The following CCDC148 variants were observed in gnomAD, a reference collection of about 807,000 sequenced individuals.
The protein encoded by CCDC148 is coiled-coil domain containing 148, also known as coiled-coil domain-containing protein 148.
In CCDC148, 89 loss-of-function variants were observed where a neutral mutation model predicts 85.7. That is an observed-to-expected ratio of 1.04 (90% CI 0.87 to 1.24). The LOEUF (loss-of-function observed/expected upper bound fraction) is 1.24, where lower values mean the gene tolerates loss of function less well. Ranked by LOEUF, CCDC148 falls within the 50% of genes most tolerant of loss-of-function variation. The pLI is 0.00. For missense variants in CCDC148, 692 were observed against 671.7 expected (o/e 1.03, Z -0.33); for synonymous variants, 230 against 213.9 (o/e 1.08, Z -0.66).
chr2:158,454,134 G>A (rs1051790012), intron 1 of CCDC148, among the ~76,000 whole-genome samples: 13 of 152,184 alleles, frequency 8.5e-5, no homozygotes, highest in African/African-American at 3.1e-4. Context: ...AGGACAAAGA[G>A]CACAATCTTC....
intron 9 of CCDC148, among the ~76,000 whole-genome samples, chr2:158,265,501 G>A (rs989034743): frequency 1.3e-5 from 2 of 148,956 alleles, no homozygotes; most frequent in Admixed American, 6.8e-5. Context: ...ACTGTCATTA[G>A]TATATAAATT....
intron 1 of CCDC148, among the ~76,000 whole-genome samples, chr2:158,406,813 G>C (rs1465818039): frequency 6.6e-6 from 1 of 151,680 alleles, no homozygotes; most frequent in Non-Finnish European, 1.5e-5. Context: ...TGTAGAGACA[G>C]GGTTTTGCCA....
intron 9 of CCDC148, among the ~76,000 whole-genome samples, chr2:158,274,563 G>T (rs1012984058): frequency 6.6e-6 from 1 of 152,070 alleles, no homozygotes; most frequent in African/African-American, 2.4e-5. Context: ...TTACTGTTCA[G>T]GCATTAATTT....
At position 158,236,924 on chromosome 2, in the gene CCDC148, C is replaced by T. The variant is rs914096713; in HGVS notation, c.1251+13848G>A. On this transcript the variant is annotated intron_variant, in intron 10 of 13. Coordinates refer to ENST00000283233, the MANE Select transcript of CCDC148 (RefSeq NM_138803.4). ...GTGAAGATAGTCAATAAATAGATGT[C>T]GGGAGTGACAAGTGCTAAGGAAAAA... Among the ~76,000 whole-genome samples, 7 of 152,132 alleles carry T rather than the reference C, an allele frequency of 4.6e-5. No homozygotes were observed. In the East Asian group the frequency reaches 5.8e-4, roughly 13 times the overall value.
At chr2:158,290,082 G>A (rs1452423584) in intron 9 of CCDC148, among the ~76,000 whole-genome samples, 1 of 152,192 alleles carries the variant, frequency 6.6e-6, no homozygotes, top group East Asian at 1.9e-4. Context: ...TGAATAAAGG[G>A]TAGAGCATAG....
chr2:158,254,804 T>C (rs1223716216), intron 9 of CCDC148, among the ~76,000 whole-genome samples: 2 of 151,624 alleles, frequency 1.3e-5, no homozygotes, highest in African/African-American at 2.4e-5. Flanking sequence ...TATGATGTCC[T>C]GTGATTTAAA....
chr2:158,350,772 T>C (rs773619122), intron 2 of CCDC148, among the ~76,000 whole-genome samples: 2 of 152,194 alleles, frequency 1.3e-5, no homozygotes, highest in Non-Finnish European at 2.9e-5. Flanking sequence ...CATATTGTAA[T>C]TGTGCATATT....
chr2:158,339,670 C>T (rs537394880), intron 5 of CCDC148, among the ~76,000 whole-genome samples: 1 of 152,160 alleles, frequency 6.6e-6, no homozygotes, highest in African/African-American at 2.4e-5. Flanking sequence ...GGCTTCTCAG[C>T]ACAGGCCTCT....
At chr2:158,346,437 A>G (rs143252622) in intron 2 of CCDC148, among the ~76,000 whole-genome samples, 3 of 152,240 alleles carry the variant, frequency 2.0e-5, no homozygotes, top group East Asian at 3.9e-4. Flanking sequence ...CTTCTTCTGT[A>G]TGTCCCTCTG....
intron 9 of CCDC148, among the ~76,000 whole-genome samples, chr2:158,275,199 C>T (rs1276447697): frequency 1.3e-5 from 2 of 152,144 alleles, no homozygotes; most frequent in African/African-American, 4.8e-5. Flanking sequence ...AATTCTAGTC[C>T]CAAATCAAAT....
chr2:158,192,580 T>C (rs1161371170), intron 11 of CCDC148, among the ~76,000 whole-genome samples: 1 of 152,070 alleles, frequency 6.6e-6, no homozygotes, highest in African/African-American at 2.4e-5. Context: ...CAAGAGGTGG[T>C]TGTGTCTCTT....
intron 1 of CCDC148, among the ~76,000 whole-genome samples, chr2:158,370,134 G>C (rs1389730287): frequency 1.3e-5 from 2 of 151,784 alleles, no homozygotes; most frequent in Non-Finnish European, 2.9e-5. Flanking sequence ...GCCTGTCAGG[G>C]GGTTAGTGGA....
intron 9 of CCDC148, among the ~76,000 whole-genome samples, chr2:158,294,837 A>G (rs1319390354): frequency 6.6e-6 from 1 of 151,410 alleles, no homozygotes; most frequent in Non-Finnish European, 1.5e-5. Flanking sequence ...AAAAAAACAA[A>G]AAAAAACCTG....
At chr2:158,325,371 C>T (rs1347209523) in intron 7 of CCDC148, among the ~76,000 whole-genome samples, 1 of 152,164 alleles carries the variant, frequency 6.6e-6, no homozygotes, top group East Asian at 1.9e-4. Flanking sequence ...TCTTCACTTG[C>T]CTTCCAGGAC....
At chr2:158,239,474 C>G (rs1688257005) in intron 10 of CCDC148, among the ~76,000 whole-genome samples, 1 of 152,260 alleles carries the variant, frequency 6.6e-6, no homozygotes. Context: ...ATTCTACCAT[C>G]TGTGGGTTAC....
In CCDC148 at chr2:158,356,622, C is replaced by T. The variant is rs1203563165; in HGVS notation, c.147+1827G>A. 4.7e-5 allele frequency among the ~76,000 whole-genome samples: 7 copies of T among 148,448 alleles called. 1 individual carries two copies. Among genetic ancestry groups the T allele is most frequent in the Admixed American group, 4.0e-4 (6 of 14,908 alleles). On this transcript the variant is annotated intron_variant, in intron 2 of 13. Transcript: ENST00000283233. ...ATGTGGAGAAATAGGAACACTTTTA[C>T]ACTGTTGGTGGGACTGTAAACTAGT...
intron 1 of CCDC148, among the ~76,000 whole-genome samples, chr2:158,415,349 G>A (rs571698005): frequency 6.6e-6 from 1 of 152,160 alleles, no homozygotes; most frequent in Non-Finnish European, 1.5e-5. Context: ...AGAACAGCAA[G>A]GGGGAAGTGC....
intron 1 of CCDC148, among the ~76,000 whole-genome samples, chr2:158,405,117 G>T (rs1335814443): frequency 6.6e-6 from 1 of 152,046 alleles, no homozygotes; most frequent in Non-Finnish European, 1.5e-5. Flanking sequence ...AAGAAACACA[G>T]AAATGATTAA....
intron 10 of CCDC148, among the ~76,000 whole-genome samples, chr2:158,224,410 T>A (rs1022080994): frequency 7.9e-5 from 12 of 151,930 alleles, no homozygotes; most frequent in African/African-American, 1.5e-4. Flanking sequence ...TATCCAGGAG[T>A]ACTTCCCCAA....
Sources: gnomAD v4.1 joint callset for allele counts (sites outside exome capture counted in the v4.1 genomes callset) on GRCh38, gnomAD v4.1.1 for gene constraint, MANE v1.5 for transcripts, NCBI Gene and HGNC (gene_info 2026-07-23, HGNC 2026-07-21) for gene names.